Variants in FMN2 observed in about 807,000 individuals in gnomAD.
The protein encoded by FMN2 is formin 2, also known as formin-2.
Under a neutral mutation model 142.3 loss-of-function variants are expected in FMN2, and 51 were observed. The ratio of observed to expected loss-of-function variants is 0.36; its 90% CI spans 0.29 to 0.45. FMN2 has a LOEUF of 0.45. Ranked by LOEUF, FMN2 falls within the 20% of genes least tolerant of loss-of-function variation. The pLI is 1.00. For synonymous variants in FMN2, 882 were observed against 869.8 expected, an observed-to-expected ratio of 1.01 and a Z score of -0.25; for missense variants, 1,936 against 2,122.8, an observed-to-expected ratio of 0.91 and a Z score of 1.73.
At chr1:240,434,216 G>A (rs773332003) in intron 15 of FMN2, among the ~76,000 whole-genome samples, 47 of 152,230 alleles carry the variant, frequency 3.1e-4, no homozygotes, top group Non-Finnish European at 6.0e-4. Context: ...GGGTCATTTC[G>A]AGGGAGTCTC....
chr1:240,391,978 G>C (rs1347874987), intron 14 of FMN2, among the ~76,000 whole-genome samples: 1 of 152,112 alleles, frequency 6.6e-6, no homozygotes, highest in Non-Finnish European at 1.5e-5. Flanking sequence ...ATGATAGCAA[G>C]TAAATGGGTA....
chr1:240,437,597 G>A (rs754257398), intron 15 of FMN2, among the ~76,000 whole-genome samples: 5 of 152,060 alleles, frequency 3.3e-5, no homozygotes, highest in South Asian at 2.1e-4. Flanking sequence ...CCACCGCGCC[G>A]GGCTGGGACT....
intron 4 of FMN2, among the ~76,000 whole-genome samples, chr1:240,195,319 G>A (rs1386235232): frequency 6.6e-6 from 1 of 152,136 alleles, no homozygotes; most frequent in East Asian, 1.9e-4. Context: ...GTGTTTTTGT[G>A]GCTGTTTTTT....
intron 1 of FMN2, among the ~76,000 whole-genome samples, chr1:240,117,150 T>C (rs1662056036): frequency 6.6e-6 from 1 of 152,194 alleles, no homozygotes; most frequent in African/African-American, 2.4e-5. Flanking sequence ...CAGGGCCTCT[T>C]TCCATTGTGA....
chr1:240,302,856 C>T (rs1670249086), intron 8 of FMN2, among the ~76,000 whole-genome samples: 1 of 152,032 alleles, frequency 6.6e-6, no homozygotes, highest in Non-Finnish European at 1.5e-5. Flanking sequence ...GAGTTTCAAG[C>T]TACTAAAGTT....
intron 8 of FMN2, among the ~76,000 whole-genome samples, chr1:240,311,467 T>C (rs568309491): frequency 6.6e-6 from 1 of 152,318 alleles, no homozygotes; most frequent in South Asian, 2.1e-4. Context: ...TTCATTGTTT[T>C]ATTGAGTTGG....
At chr1:240,240,950 T>C (rs1667875349) in intron 6 of FMN2, among the ~76,000 whole-genome samples, 1 of 152,256 alleles carries the variant, frequency 6.6e-6, no homozygotes, top group Non-Finnish European at 1.5e-5. Flanking sequence ...TGTAATGTTA[T>C]TTTAATTTCA....
rs777251102 is a variant in FMN2 at position 240,093,314 on chromosome 1, C to T, written c.1205C>T (p.Ala402Val). 1.2e-6 allele frequency: 2 copies of T among 1,609,416 alleles called. No individual in the cohort carries two copies. Among genetic ancestry groups the T allele is most frequent in the Non-Finnish European group, 1.7e-6 (2 of 1,178,294 alleles). ...GCCGCTTCCCTGCCCGGCAGCCCCG[C>T]GCCTAGCCAGCGCTGTTTCAAGCCC... ...PAAASLPGSP[A>V]PSQRCFKPYP... The change falls in exon 1 of 18, where the codon GCG becomes GTG. Residue 402 changes from alanine to valine, a missense_variant. Physicochemically the swap from Ala to Val is moderately conservative, Grantham distance 64. This residue lies in a region of FMN2 where 751 missense variants were observed against 791.8 expected (regional missense o/e 0.95). Coordinates refer to ENST00000319653, the MANE Select transcript of FMN2 (RefSeq NM_020066.5).
At chr1:240,232,706 T>A (rs1667569344) in intron 6 of FMN2, among the ~76,000 whole-genome samples, 1 of 152,196 alleles carries the variant, frequency 6.6e-6, no homozygotes. Context: ...TGCCCTCTTT[T>A]TTTCTTAATC....
chr1:240,386,837 A>T (rs897276241), intron 14 of FMN2, among the ~76,000 whole-genome samples: 2 of 152,190 alleles, frequency 1.3e-5, no homozygotes, highest in African/African-American at 2.4e-5. Flanking sequence ...GATCAGACCT[A>T]AAAGGTAATC....
At chr1:240,359,861 A>G (rs906904512) in intron 14 of FMN2, among the ~76,000 whole-genome samples, 2 of 152,180 alleles carry the variant, frequency 1.3e-5, no homozygotes, top group African/African-American at 4.8e-5. Flanking sequence ...TTATTTGTCC[A>G]TCAATAGTAT....
intron 14 of FMN2, among the ~76,000 whole-genome samples, chr1:240,377,630 G>T (rs1673089783): frequency 6.6e-6 from 1 of 151,990 alleles, no homozygotes; most frequent in East Asian, 1.9e-4. Flanking sequence ...GCCATGGCTG[G>T]TTGAGGTTTT....
At position 240,207,687 on chromosome 1, in the gene FMN2, CT is replaced by C; in HGVS notation, c.2877del (p.Ala962GlnfsTer313). On this transcript the variant is annotated frameshift_variant, in exon 5 of 18. Transcript: ENST00000319653. LOFTEE classifies it high-confidence loss of function. ...PGAAIPPPPP[L>X]PGAGIPLPPP... ...AGCGGCAATACCCCCTCCGCCCCCT[CT>C]TCCCGGGGCAGGCATACCCCTTCCT... 1 of 1,432,122 alleles carries C rather than the reference CT, an allele frequency of 7.0e-7. No homozygotes were observed. Among genetic ancestry groups the C allele is most frequent in the Non-Finnish European group, 9.7e-7 (1 of 1,036,168 alleles). 88.7% of individuals were successfully genotyped at this position (1,432,122 alleles called of 1,614,324 possible).
intron 1 of FMN2, among the ~76,000 whole-genome samples, chr1:240,107,165 A>T (rs953882317): frequency 2.6e-5 from 4 of 152,084 alleles, no homozygotes; most frequent in Non-Finnish European, 5.9e-5. Flanking sequence ...GCCATCCCTT[A>T]CAGAATGTCC....
intron 16 of FMN2, chr1:240,458,917 C>T (rs890571165): frequency 4.6e-5 from 7 of 151,922 alleles, no homozygotes; most frequent in Non-Finnish European, 1.0e-4. Context: ...GACCAAAGGG[C>T]GTATCAAGTG....
chr1:240,201,444 C>T (rs979007471), intron 4 of FMN2, among the ~76,000 whole-genome samples: 1 of 152,074 alleles, frequency 6.6e-6, no homozygotes, highest in African/African-American at 2.4e-5. Context: ...TTAGCTAATA[C>T]AGTAAGAATG....
chr1:240,381,615 A>T (rs1010909452), intron 14 of FMN2, among the ~76,000 whole-genome samples: 2 of 152,112 alleles, frequency 1.3e-5, no homozygotes, highest in African/African-American at 4.8e-5. Flanking sequence ...TTTTTAGTAG[A>T]TACGGGACTT....
At chr1:240,196,166 A>C (rs1406154424) in intron 4 of FMN2, among the ~76,000 whole-genome samples, 1 of 152,314 alleles carries the variant, frequency 6.6e-6, no homozygotes, top group Non-Finnish European at 1.5e-5. Flanking sequence ...GGGAGCCATG[A>C]GTTTTTGAGG....
At chr1:240,296,294 G>A (rs546625360) in intron 8 of FMN2, among the ~76,000 whole-genome samples, 2 of 151,488 alleles carry the variant, frequency 1.3e-5, no homozygotes, top group South Asian at 4.2e-4. Context: ...TGGGAAGTGT[G>A]ATATGAGAGA....
Sources: gnomAD v4.1 joint callset for allele counts (sites outside exome capture counted in the v4.1 genomes callset) on GRCh38, gnomAD v4.1.1 for gene constraint, gnomAD v4.1.1 regional missense constraint, MANE v1.5 for transcripts, NCBI Gene and HGNC (gene_info 2026-07-23, HGNC 2026-07-21) for gene names.